Variants in GINS2 observed in about 807,000 individuals in gnomAD.
GINS2 encodes GINS complex subunit 2.
In GINS2, 23 loss-of-function variants were observed where a neutral mutation model predicts 21.2. The observed-to-expected ratio is 1.08, with a 90% CI of 0.78 to 1.53. The LOEUF is 1.53. GINS2 is among the 40% of genes most tolerant of loss of function. The pLI is 0.00. For missense variants in GINS2, 323 were observed against 233.9 expected, an observed-to-expected ratio of 1.38 and a Z score of -2.49; for synonymous variants, 118 against 85.6, an observed-to-expected ratio of 1.38 and a Z score of -2.09.
Position 85,681,628 on chromosome 16 carries a change from T to G in GINS2, c.259A>C (p.Met87Leu). ...HERKEETFTP[M>L]PSPYYMELTK... Reference sequence around the variant, plus strand: ...AGTTCCATGTAGTAAGGGCTGGGCATTGGGGTAAAAGTTTCTTCCTTTCGT... The same window carrying G: ...AGTTCCATGTAGTAAGGGCTGGGCAGTGGGGTAAAAGTTTCTTCCTTTCGT... Residue 87 changes from methionine (M) to leucine (L), a missense_variant, in exon 3 of 5, where the codon ATG (methionine) becomes CTG (leucine). Transcript: ENST00000253462. 1 of 1,613,230 alleles carries G rather than the reference T, an allele frequency of 6.2e-7. No homozygotes were observed. Among genetic ancestry groups the G allele is most frequent in the South Asian group, 1.1e-5 (1 of 91,046 alleles).
chr16:85,681,528 G>T, intron 3 of GINS2, 54 bp downstream of exon 3: 1 of 1,021,738 alleles, frequency 9.8e-7, no homozygotes, highest in Non-Finnish European at 1.5e-6. Flanking sequence ...GTTAGGGGAA[G>T]GGCATGGCGA....
chr16:85,684,581 T>G (rs915893809), intron 2 of GINS2, among the ~76,000 whole-genome samples: 2 of 151,752 alleles, frequency 1.3e-5, no homozygotes, highest in African/African-American at 4.8e-5. Context: ...ATATGTAGTA[T>G]GGAGAGTACC....
intron 2 of GINS2, among the ~76,000 whole-genome samples, chr16:85,684,775 C>G (rs1241224902): frequency 6.6e-6 from 1 of 150,454 alleles, no homozygotes; most frequent in Non-Finnish European, 1.5e-5. Context: ...ACATGAAGTC[C>G]CAGAACAGGC....
At chr16:85,678,738 T>C in intron 3 of GINS2, 72 bp from the exon 4 acceptor site, 1 of 1,451,980 alleles carries the variant, frequency 6.9e-7, no homozygotes, top group South Asian at 1.3e-5. Flanking sequence ...AGAGTGGCTC[T>C]TTTCAGGCAA....
intron 2 of GINS2, among the ~76,000 whole-genome samples, chr16:85,686,612 C>A (rs2053779842): frequency 6.6e-6 from 1 of 152,136 alleles, no homozygotes; most frequent in African/African-American, 2.4e-5. Flanking sequence ...TAAGCAACTA[C>A]TAATCTACAT....
At chr16:85,682,404 C>G (rs1311264297) in intron 2 of GINS2, among the ~76,000 whole-genome samples, 1 of 152,068 alleles carries the variant, frequency 6.6e-6, no homozygotes, top group East Asian at 1.9e-4. Flanking sequence ...AGACAACTTA[C>G]AAAACTAGAG....
chr16:85,685,939 ACTCAGGGT>A (rs1598762776), intron 2 of GINS2, among the ~76,000 whole-genome samples: 1 of 151,466 alleles, frequency 6.6e-6, no homozygotes, highest in East Asian at 1.9e-4. Context: ...AAAAAAAATC[ACTCAGGGT>A]CTTTTCAAAT....
At chr16:85,678,469 C>G in intron 4 of GINS2, 71 bp downstream of exon 4, 1 of 1,576,602 alleles carries the variant, frequency 6.3e-7, no homozygotes, top group Non-Finnish European at 8.7e-7. Context: ...CTGTAATAGC[C>G]TCAGCAGACG....
chr16:85,685,154 T>C (rs758735357), intron 2 of GINS2, among the ~76,000 whole-genome samples: 20 of 152,186 alleles, frequency 1.3e-4, no homozygotes, highest in East Asian at 7.7e-4. Context: ...GTAGGGTCTA[T>C]AGACAGGTTA....
intron 3 of GINS2, 39 bp downstream of exon 3, chr16:85,681,543 A>G: frequency 8.5e-7 from 1 of 1,174,684 alleles, no homozygotes; most frequent in Non-Finnish European, 1.3e-6. Context: ...TGGCGAGTCC[A>G]GTCTTGGGTG....
chr16:85,687,000 TCG>T (rs2053782969), intron 2 of GINS2, among the ~76,000 whole-genome samples: 1 of 152,230 alleles, frequency 6.6e-6, no homozygotes, highest in Non-Finnish European at 1.5e-5. Flanking sequence ...GGTGGCCAGA[TCG>T]CTTGACCCCA....
At chr16:85,681,746 A>C in intron 2 of GINS2, 65 bp from the exon 3 acceptor site, 1 of 982,598 alleles carries the variant, frequency 1.0e-6, no homozygotes, top group Non-Finnish European at 1.6e-6. Context: ...AACCTTCCAA[A>C]TTTACCAAGT....
At chr16:85,688,316 G>A (rs2053796006) in intron 1 of GINS2, among the ~76,000 whole-genome samples, 2 of 152,336 alleles carry the variant, frequency 1.3e-5, no homozygotes, top group African/African-American at 4.8e-5. Context: ...GGGAGGCCGA[G>A]GCGAGTGGCT....
In GINS2 at chr16:85,678,599, T is replaced by C; in HGVS notation, c.373A>G (p.Ile125Val). The C allele has an allele frequency of 1.1e-5, 18 of 1,614,014 alleles. No individual in the cohort carries two copies. Among genetic ancestry groups the C allele is most frequent in the Non-Finnish European group, 1.5e-5 (18 of 1,179,970 alleles). ...TCAGCAGACACTCGGAGTTTGGCTA[T>C]ACGAGTGTCCCACATATCCTTGACC... is the stretch of plus-strand genomic sequence containing the variant. ...TLVKDMWDTR[I>V]AKLRVSADSF... Residue 125 changes from isoleucine to valine, a missense_variant, in exon 4 of 5, where the codon ATA becomes GTA. Ile to Val is a conservative substitution (Grantham distance 29). Transcript: ENST00000253462.
chr16:85,682,020 C>CTTTTTT (rs1567791526), intron 2 of GINS2, among the ~76,000 whole-genome samples: 14 of 118,472 alleles, frequency 1.2e-4, no homozygotes, highest in African/African-American at 3.8e-4. Flanking sequence ...ACCTTTACCG[C>CTTTTTT]CTTTTTTTTT....
At chr16:85,681,441 A>C in intron 3 of GINS2, 141 bp downstream of exon 3, 1 of 616,874 alleles carries the variant, frequency 1.6e-6, no homozygotes, top group Non-Finnish European at 2.9e-6. Context: ...CCTCATGGTC[A>C]CTGACCTGAG....
intron 4 of GINS2, 74 bp from the exon 5 acceptor site, chr16:85,678,411 A>C: frequency 6.3e-7 from 1 of 1,576,614 alleles, no homozygotes; most frequent in Non-Finnish European, 8.7e-7. Context: ...TACTGAATAA[A>C]AATAAGAAAC....
chr16:85,687,323 G>C, intron 2 of GINS2, 137 bp downstream of exon 2: 1 of 527,910 alleles, frequency 1.9e-6, no homozygotes, highest in Non-Finnish European at 3.4e-6. Flanking sequence ...ATTCCTTTCA[G>C]CTGATCAGTA....
Position 85,688,840 on chromosome 16 carries a change from T to G in GINS2, c.59A>C (p.Asn20Thr), listed in dbSNP as rs772238729. 6 of 1,545,298 alleles carry G rather than the reference T, an allele frequency of 3.9e-6. No homozygotes were observed. The highest frequency in any genetic ancestry group is 2.0e-5 in the Admixed American group (1 of 50,978). Residue 20 changes from asparagine (N) to threonine (T), a missense_variant, in exon 1 of 5, where the codon AAC becomes ACC. Physicochemically the swap from Asn to Thr is moderately conservative, Grantham distance 65 (BLOSUM62 0). Coordinates refer to ENST00000253462, the MANE Select transcript of GINS2 (RefSeq NM_016095.3). ...GAGGTAGATCTTGTCCAGACTGAAG[T>G]TGGGGATAATGGTAACCAGCTCCTT... ...AEKELVTIIP[N>T]FSLDKIYLIG...
Sources: allele counts gnomAD v4.1 joint callset (sites outside exome capture counted in the v4.1 genomes callset), GRCh38; gene constraint gnomAD v4.1.1; transcripts MANE v1.5; gene names NCBI Gene and HGNC (gene_info 2026-07-23, HGNC 2026-07-21).